The following FAIM variants were observed in gnomAD, a reference collection of about 807,000 sequenced individuals.
FAIM encodes the protein fas apoptotic inhibitory molecule 1.
Under a neutral mutation model 21.2 loss-of-function variants are expected in FAIM, and 14 were observed. That is an observed-to-expected ratio of 0.66 (90% confidence interval 0.44 to 1.03). FAIM has a LOEUF of 1.03. Ranked by LOEUF, FAIM falls within the 50% of genes least tolerant of loss-of-function variation. The probability of loss-of-function intolerance (pLI) is 0.00; values close to 1 mark genes in which losing one functional copy is unlikely to be tolerated. For synonymous variants in FAIM, 86 were observed against 80.4 expected (o/e 1.07, Z -0.37); for missense variants, 222 against 247.1 (o/e 0.90, Z 0.68).
chr3:138,621,363 T>C, intron 2 of FAIM, 44 bp from the exon 3 acceptor site: 1 of 1,576,538 alleles, frequency 6.3e-7, no homozygotes, highest in Non-Finnish European at 8.7e-7. Context: ...GGTTATTTAA[T>C]TAGTATTTTG....
chr3:138,611,001 A>C, intron 1 of FAIM: 1 of 1,613,884 alleles, frequency 6.2e-7, no homozygotes, highest in Non-Finnish European at 8.5e-7. Flanking sequence ...TTGTGCTATA[A>C]TCATCTCTTG....
chr3:138,616,302 C>T (rs767817915), intron 1 of FAIM, among the ~76,000 whole-genome samples: 3 of 152,180 alleles, frequency 2.0e-5, no homozygotes, highest in Non-Finnish European at 2.9e-5. Flanking sequence ...TAAAATGGTA[C>T]AAAATTTGAA....
chr3:138,610,434 A>G (rs1420716043), intron 1 of FAIM, among the ~76,000 whole-genome samples: 3 of 152,190 alleles, frequency 2.0e-5, no homozygotes, highest in Admixed American at 6.5e-5. Flanking sequence ...ATGGTTTTTC[A>G]TCTTTTTAAA....
chr3:138,623,805 ACTC>A (rs1429607449), intron 4 of FAIM, among the ~76,000 whole-genome samples: 1 of 151,734 alleles, frequency 6.6e-6, no homozygotes, highest in Non-Finnish European at 1.5e-5. Flanking sequence ...GAACCCCACA[ACTC>A]CTGCTTTCAT....
At chr3:138,610,830 G>T in intron 1 of FAIM, 1 of 739,274 alleles carries the variant, frequency 1.4e-6, no homozygotes. Flanking sequence ...TGATCCGACC[G>T]CCTTGACCTC....
intron 1 of FAIM, among the ~76,000 whole-genome samples, chr3:138,616,300 T>G (rs976256562): frequency 6.6e-6 from 1 of 152,256 alleles, no homozygotes; most frequent in Non-Finnish European, 1.5e-5. Flanking sequence ...TTTAAAATGG[T>G]ACAAAATTTG....
At position 138,629,321 on chromosome 3, in the gene FAIM, G is replaced by C. The variant is rs145233373; in HGVS notation, c.456+165G>C. 211 of 536,684 alleles carry C rather than the reference G, an allele frequency of 3.9e-4. 3 individuals are homozygous for C. The East Asian group carries it at 6.7e-3, about 17-fold the overall frequency. The allele number at this position is 536,684 out of a possible 1,614,324, so 33.2% of individuals were successfully genotyped here. On this transcript the variant is annotated intron_variant, in intron 5 of 5. Transcript: ENST00000360570. Reference sequence around the variant, plus strand: ...CTTCAGATTCTGAAAACCTTTGCCAGATGGTGCCTGGTACCGTGAGTTTGG... The same window carrying C: ...CTTCAGATTCTGAAAACCTTTGCCACATGGTGCCTGGTACCGTGAGTTTGG...
At chr3:138,621,871 C>A (rs888156356) in intron 3 of FAIM, among the ~76,000 whole-genome samples, 1 of 152,124 alleles carries the variant, frequency 6.6e-6, no homozygotes, top group East Asian at 1.9e-4. Context: ...CAACCTCCAC[C>A]TTCTGTGTTT....
chr3:138,613,630 T>C (rs888230830), intron 1 of FAIM, among the ~76,000 whole-genome samples: 2 of 152,018 alleles, frequency 1.3e-5, no homozygotes, highest in Non-Finnish European at 2.9e-5. Flanking sequence ...ACTACAGGCA[T>C]GCACCACCAT....
At chr3:138,609,883 C>T (rs1292385029) in intron 1 of FAIM, among the ~76,000 whole-genome samples, 3 of 152,134 alleles carry the variant, frequency 2.0e-5, no homozygotes, top group Non-Finnish European at 4.4e-5. Context: ...AATCCACGGT[C>T]TATACCACAA....
rs773089552 is a variant in FAIM at position 138,622,314 on chromosome 3, G to C, written c.304G>C (p.Glu102Gln). The change falls in exon 4 of 6, where the codon GAA becomes CAA. Residue 102 changes from glutamate to glutamine, a missense_variant. By Grantham distance (29) the Glu-to-Gln change is conservative. Transcript: ENST00000360570. ...TGGTTTTGCTTATGAATATACTCTG[G>C]AAATTAATGGGAAAAGTCTCAAGAA... Reference protein sequence around the residue: ...ISGFAYEYTLEINGKSLKKYM... With the variant: ...ISGFAYEYTLQINGKSLKKYM... The C allele has an allele frequency of 6.2e-7, 1 of 1,613,808 alleles. No homozygotes were observed. Among genetic ancestry groups the C allele is most frequent in the African/African-American group, 1.3e-5 (1 of 74,892 alleles).
chr3:138,625,519 C>G (rs1208988982), intron 4 of FAIM, among the ~76,000 whole-genome samples: 1 of 151,922 alleles, frequency 6.6e-6, no homozygotes, highest in Non-Finnish European at 1.5e-5. Context: ...ATTATTACTA[C>G]TCATGGGCAA....
intron 1 of FAIM, among the ~76,000 whole-genome samples, chr3:138,615,931 T>G (rs1167568770): frequency 1.3e-5 from 2 of 152,240 alleles, no homozygotes; most frequent in African/African-American, 2.4e-5. Flanking sequence ...GAGTTGATTT[T>G]GGACATTTTT....
intron 4 of FAIM, among the ~76,000 whole-genome samples, chr3:138,627,401 T>C (rs1378361901): frequency 6.6e-6 from 1 of 152,138 alleles, no homozygotes; most frequent in South Asian, 2.1e-4. Context: ...CAGACTGGTC[T>C]TGAACTCCTG....
chr3:138,609,580 T>TCC (rs2042740558), intron 1 of FAIM, among the ~76,000 whole-genome samples: 12 of 17,380 alleles, frequency 6.9e-4, no homozygotes, highest in African/African-American at 1.1e-3. Context: ...CTCTCTCGAC[T>TCC]CTCTCTCTCT....
chr3:138,620,452 A>G (rs1306766310), intron 2 of FAIM, among the ~76,000 whole-genome samples: 1 of 152,224 alleles, frequency 6.6e-6, no homozygotes, highest in Non-Finnish European at 1.5e-5. Context: ...CATCAAAAAT[A>G]TATGTTGAAG....
chr3:138,626,761 C>T (rs954584266), intron 4 of FAIM, among the ~76,000 whole-genome samples: 1 of 152,180 alleles, frequency 6.6e-6, no homozygotes, highest in Non-Finnish European at 1.5e-5. Context: ...TTGTATTTGT[C>T]ATCTTAATAG....
chr3:138,611,276 T>C (rs895697870), intron 1 of FAIM, among the ~76,000 whole-genome samples: 20 of 151,906 alleles, frequency 1.3e-4, no homozygotes, highest in Non-Finnish European at 2.8e-4. Flanking sequence ...TTTTTTCTTT[T>C]TTTGTTTTTT....
At chr3:138,628,462 C>T (rs912146825) in intron 4 of FAIM, among the ~76,000 whole-genome samples, 1 of 146,560 alleles carries the variant, frequency 6.8e-6, no homozygotes, top group Non-Finnish European at 1.5e-5. Context: ...ATGCATCCTT[C>T]TTTTTTATTT....
Sources: allele counts gnomAD v4.1 joint callset (sites outside exome capture counted in the v4.1 genomes callset), GRCh38; gene constraint gnomAD v4.1.1; transcripts MANE v1.5; gene names NCBI Gene and HGNC (gene_info 2026-07-23, HGNC 2026-07-21).